Variants in PARD3B observed in about 807,000 individuals in gnomAD.
The protein encoded by PARD3B is partitioning defective 3 homolog B.
A neutral mutation model predicts 130.2 loss-of-function variants in PARD3B; 103 were observed. That is an observed-to-expected ratio of 0.79 (90% confidence interval 0.67 to 0.93). The LOEUF (loss-of-function observed/expected upper bound fraction) is 0.93, where lower values mean the gene tolerates loss of function less well. PARD3B is among the 40% of genes least tolerant of loss of function. The pLI, the probability that PARD3B is intolerant of heterozygous loss-of-function variation, is 0.00. For missense variants in PARD3B, 1,609 were observed against 1,499.2 expected (o/e 1.07, Z -1.21); for synonymous variants, 583 against 553.2 (o/e 1.05, Z -0.76).
At chr2:205,250,550 A>G (rs545428281) in intron 16 of PARD3B, among the ~76,000 whole-genome samples, 12 of 152,282 alleles carry the variant, frequency 7.9e-5, no homozygotes, top group Middle Eastern at 3.4e-3. Context: ...TTAACAATCT[A>G]GGGAGCTATT....
intron 4 of PARD3B, among the ~76,000 whole-genome samples, chr2:205,102,715 T>A (rs1314800827): frequency 6.6e-6 from 1 of 152,196 alleles, no homozygotes; most frequent in South Asian, 2.1e-4. Context: ...GACATTTTTT[T>A]TAACTCATTT....
intron 15 of PARD3B, among the ~76,000 whole-genome samples, chr2:205,226,976 T>G (rs7592296): frequency 0.23 from 34,423 of 152,092 alleles, 4,217 homozygotes; most frequent in East Asian, 0.41. Context: ...GTGTTTATAT[T>G]TAGTTTTCAA....
intron 2 of PARD3B, among the ~76,000 whole-genome samples, chr2:204,952,901 G>A (rs921372497): frequency 4.6e-5 from 7 of 151,578 alleles, no homozygotes; most frequent in Non-Finnish European, 1.0e-4. Context: ...AGAGGCTGAT[G>A]CAGGAGAATG....
rs79111461 is a variant in PARD3B, at chr2:204,922,554, G to T, written c.223-42598G>T. Among the ~76,000 whole-genome samples, 1,092 of 152,160 alleles carry T rather than the reference G, an allele frequency of 7.2e-3. 16 individuals carry two copies. The highest frequency in any genetic ancestry group is 0.024 in the African/African-American group (1,003 of 41,516). On this transcript the variant is annotated intron_variant, in intron 2 of 22. Coordinates refer to ENST00000406610, the MANE Select transcript of PARD3B (RefSeq NM_001302769.2). ...AAGTCATATTGCATTTGGTTGAGGA[G>T]CAAATCAGTGTTGTCACATTGGAAG...
intron 18 of PARD3B, among the ~76,000 whole-genome samples, chr2:205,347,284 C>A (rs531165652): frequency 1.6e-3 from 250 of 151,914 alleles, no homozygotes; most frequent in South Asian, 2.9e-3. Context: ...GATCAGTGAT[C>A]CATTGAAAAT....
chr2:205,037,006 TATAAAAA>T (rs900774927), intron 3 of PARD3B, among the ~76,000 whole-genome samples: 9 of 150,284 alleles, frequency 6.0e-5, no homozygotes, highest in African/African-American at 2.2e-4. Context: ...GGACTGTATA[TATAAAAA>T]ATATATACAT....
At chr2:205,588,463 T>C (rs1253730156) in intron 22 of PARD3B, among the ~76,000 whole-genome samples, 1 of 152,212 alleles carries the variant, frequency 6.6e-6, no homozygotes, top group African/African-American at 2.4e-5. Context: ...CATGAGTGAT[T>C]GGAGTTTTTC....
At chr2:205,051,286 T>A (rs896851386) in intron 4 of PARD3B, among the ~76,000 whole-genome samples, 1 of 152,286 alleles carries the variant, frequency 6.6e-6, no homozygotes, top group East Asian at 1.9e-4. Context: ...TGTGTGATAA[T>A]GTAGCCATGT....
chr2:205,608,198 T>C (rs562221677), intron 22 of PARD3B, among the ~76,000 whole-genome samples: 2 of 152,290 alleles, frequency 1.3e-5, no homozygotes, highest in Admixed American at 6.5e-5. Context: ...CAGGTAACTG[T>C]GTAGTGGTTT....
At chr2:204,781,843 A>G (rs1208312844) in intron 2 of PARD3B, among the ~76,000 whole-genome samples, 1 of 152,058 alleles carries the variant, frequency 6.6e-6, no homozygotes, top group Non-Finnish European at 1.5e-5. Context: ...CTTTGTTGAA[A>G]CAAAGTGCTT....
chr2:204,740,131 A>T (rs1199370859), intron 2 of PARD3B, among the ~76,000 whole-genome samples: 1 of 151,854 alleles, frequency 6.6e-6, no homozygotes, highest in Non-Finnish European at 1.5e-5. Flanking sequence ...CTACTGCCTC[A>T]ACATCCCAGG....
chr2:205,057,544 T>C (rs1316122938), intron 4 of PARD3B, among the ~76,000 whole-genome samples: 1 of 147,096 alleles, frequency 6.8e-6, no homozygotes, highest in Non-Finnish European at 1.5e-5. Flanking sequence ...TATATGTATA[T>C]GTGTATATGT....
intron 2 of PARD3B, among the ~76,000 whole-genome samples, chr2:204,836,594 C>T (rs193212299): frequency 5.5e-4 from 83 of 152,182 alleles, no homozygotes; most frequent in African/African-American, 1.3e-3. Flanking sequence ...ACCCAGGAGG[C>T]GGAAGTTGGT....
At chr2:204,981,363 A>G (rs749537669) in intron 3 of PARD3B, among the ~76,000 whole-genome samples, 2 of 152,224 alleles carry the variant, frequency 1.3e-5, no homozygotes, top group Non-Finnish European at 2.9e-5. Flanking sequence ...TATGCATACA[A>G]TGGAATACTT....
At chr2:204,900,461 C>T (rs1352643407) in intron 2 of PARD3B, among the ~76,000 whole-genome samples, 1 of 152,130 alleles carries the variant, frequency 6.6e-6, no homozygotes, top group African/African-American at 2.4e-5. Flanking sequence ...CTGCTTAATT[C>T]TTTTAAATTA....
chr2:205,430,677 G>A (rs1167702052), intron 19 of PARD3B, among the ~76,000 whole-genome samples: 5 of 152,228 alleles, frequency 3.3e-5, no homozygotes, highest in East Asian at 1.9e-4. Context: ...AGTAAACAGA[G>A]AAATCCAGCA....
Position 205,191,075 on chromosome 2 carries a change from G to GAAAAA in PARD3B, c.2025-2118_2025-2114dup, listed in dbSNP as rs5837960. Among the ~76,000 whole-genome samples, 425 of 97,696 alleles carry GAAAAA rather than the reference G, an allele frequency of 4.4e-3. 5 individuals are homozygous for GAAAAA. The highest frequency in any genetic ancestry group is 0.011 in the African/African-American group (315 of 28,298). The allele number at this position is 97,696 out of a possible 152,430, so 64.1% of individuals were successfully genotyped here. A position where few individuals can be genotyped will look rare whatever the true frequency, so the allele number is the denominator to read the frequency against. On this transcript the variant is annotated intron_variant, in intron 14 of 22. Coordinates refer to ENST00000406610, the MANE Select transcript of PARD3B (RefSeq NM_001302769.2). ...GTACCCAGACACCAGGAAAGAAATA[G>GAAAAA]AAAAAAAAAAAAAAAAGGCTACATA...
intron 22 of PARD3B, among the ~76,000 whole-genome samples, chr2:205,608,860 T>C (rs1439307029): frequency 1.3e-5 from 2 of 152,218 alleles, no homozygotes; most frequent in Non-Finnish European, 2.9e-5. Context: ...TTGAGAAATG[T>C]CTTTGAGCAC....
At chr2:204,820,373 A>T (rs2043302890) in intron 2 of PARD3B, among the ~76,000 whole-genome samples, 1 of 150,866 alleles carries the variant, frequency 6.6e-6, no homozygotes, top group Admixed American at 6.6e-5. Context: ...CACCATGCCC[A>T]TCCTAAACAA....
Sources: gnomAD v4.1 joint callset for allele counts (sites outside exome capture counted in the v4.1 genomes callset) on GRCh38, gnomAD v4.1.1 for gene constraint, MANE v1.5 for transcripts, NCBI Gene and HGNC (gene_info 2026-07-23, HGNC 2026-07-21) for gene names.